The following RIN2 variants were observed in gnomAD, a reference collection of about 807,000 sequenced individuals.
RIN2 encodes the protein RAB5 interacting protein 2.
A neutral mutation model predicts 78.0 loss-of-function variants in RIN2; 36 were observed. The ratio of observed to expected loss-of-function variants is 0.46; its 90% CI spans 0.35 to 0.61. The LOEUF is 0.61. Ranked by LOEUF, RIN2 falls within the 20% of genes least tolerant of loss-of-function variation. RIN2 has a pLI of 0.00. For missense variants in RIN2, 1,087 were observed against 1,159.7 expected (o/e 0.94, Z 0.91); for synonymous variants, 466 against 466.8 (o/e 1.00, Z 0.02).
chr20:19,943,095 G>A (rs1413024410), intron 4 of RIN2, among the ~76,000 whole-genome samples: 3 of 152,194 alleles, frequency 2.0e-5, no homozygotes, highest in Admixed American at 6.5e-5. Flanking sequence ...GAAGGGCATC[G>A]GGACCAAGAC....
chr20:19,864,455 C>A (rs1420697031), intron 2 of RIN2, among the ~76,000 whole-genome samples: 2 of 152,202 alleles, frequency 1.3e-5, no homozygotes. Context: ...ACACAGCATC[C>A]TTTGAATCCT....
intron 1 of RIN2, among the ~76,000 whole-genome samples, chr20:19,786,309 G>C (rs536080978): frequency 6.6e-6 from 1 of 152,286 alleles, no homozygotes; most frequent in South Asian, 2.1e-4. Context: ...TCTTGCTGGA[G>C]TGCTGAGCTG....
intron 3 of RIN2, among the ~76,000 whole-genome samples, chr20:19,903,096 A>C (rs1418213165): frequency 1.3e-5 from 2 of 152,190 alleles, no homozygotes; most frequent in East Asian, 3.9e-4. Context: ...CTGTCTCAAA[A>C]AAATAAAATA....
chr20:19,920,779 C>A (rs1346161061), intron 3 of RIN2, among the ~76,000 whole-genome samples: 1 of 152,144 alleles, frequency 6.6e-6, no homozygotes, highest in African/African-American at 2.4e-5. Flanking sequence ...CAAGTTCAAG[C>A]GATTCTCCTG....
chr20:19,819,061 G>A (rs530639142), intron 2 of RIN2, among the ~76,000 whole-genome samples: 94 of 152,294 alleles, frequency 6.2e-4, no homozygotes, highest in African/African-American at 9.9e-4. Flanking sequence ...TATAGGGTCC[G>A]GAAGGACAGA....
chr20:19,798,034 G>C (rs963537841), intron 1 of RIN2, among the ~76,000 whole-genome samples: 1 of 151,078 alleles, frequency 6.6e-6, no homozygotes, highest in Non-Finnish European at 1.5e-5. Context: ...TGTATTTTCA[G>C]TAGAGATGGG....
At chr20:19,829,727 A>G (rs1014837245) in intron 2 of RIN2, among the ~76,000 whole-genome samples, 2 of 152,226 alleles carry the variant, frequency 1.3e-5, no homozygotes, top group African/African-American at 4.8e-5. Flanking sequence ...AGTGACTCCC[A>G]GAATGGCCCA....
chr20:19,790,594 A>C (rs979706352), intron 1 of RIN2, among the ~76,000 whole-genome samples: 1 of 152,168 alleles, frequency 6.6e-6, no homozygotes, highest in Non-Finnish European at 1.5e-5. Context: ...GAGGAGTTCA[A>C]GGCCAGCCTG....
chr20:19,954,774 T>C (rs1188496641), intron 4 of RIN2, among the ~76,000 whole-genome samples: 1 of 152,106 alleles, frequency 6.6e-6, no homozygotes, highest in African/African-American at 2.4e-5. Context: ...ACCCACAACA[T>C]TGGATAAATA....
At chr20:19,765,631 A>G (rs2033852715) in intron 1 of RIN2, among the ~76,000 whole-genome samples, 1 of 152,190 alleles carries the variant, frequency 6.6e-6, no homozygotes, top group Non-Finnish European at 1.5e-5. Context: ...GTTGAGTTTG[A>G]ACTGGAAGAC....
At chr20:19,912,299 C>G (rs1167097917) in intron 3 of RIN2, among the ~76,000 whole-genome samples, 1 of 151,996 alleles carries the variant, frequency 6.6e-6, no homozygotes, top group Non-Finnish European at 1.5e-5. Context: ...CAACTGTGCT[C>G]TCACCACCCC....
chr20:19,966,750 AG>A (rs1363895363), intron 7 of RIN2, among the ~76,000 whole-genome samples: 2 of 152,160 alleles, frequency 1.3e-5, no homozygotes, highest in African/African-American at 2.4e-5. Context: ...GAAGAAAATG[AG>A]GGCTTCACTG....
chr20:19,928,380 G>A (rs902627311), intron 3 of RIN2, among the ~76,000 whole-genome samples: 1 of 152,146 alleles, frequency 6.6e-6, no homozygotes, highest in East Asian at 1.9e-4. Flanking sequence ...GCCAAAAGCT[G>A]GTATGCCTAC....
rs566951760 is a variant in RIN2 at position 19,977,496 on chromosome 20, G to A, written c.1762+1709G>A. Among the ~76,000 whole-genome samples, 17 of 152,316 alleles carry A rather than the reference G, an allele frequency of 1.1e-4. No homozygotes were observed. In the South Asian group the frequency reaches 3.5e-3, roughly 32 times the overall value. The stretch of plus-strand genomic sequence containing the variant: ...TGGAGCTTCGAGTATAAGCCCGGCA[G>A]CCTGTCCAAGCTATTCCAGTGGGTC... On this transcript the variant is annotated intron_variant, in intron 9 of 12. Transcript: ENST00000255006.
At chr20:19,883,161 C>T (rs925119421) in intron 2 of RIN2, among the ~76,000 whole-genome samples, 42 of 152,138 alleles carry the variant, frequency 2.8e-4, no homozygotes, top group Middle Eastern at 3.2e-3. Flanking sequence ...AGTCCATCAG[C>T]CCTGAGGCCT....
intron 9 of RIN2, among the ~76,000 whole-genome samples, chr20:19,981,494 G>A (rs556401847): frequency 2.6e-5 from 4 of 152,282 alleles, no homozygotes; most frequent in East Asian, 3.9e-4. Flanking sequence ...TCCCAGAAGC[G>A]GGAGGATCTA....
intron 3 of RIN2, among the ~76,000 whole-genome samples, chr20:19,926,181 A>G (rs1197868887): frequency 5.9e-5 from 9 of 152,242 alleles, no homozygotes; most frequent in Non-Finnish European, 1.3e-4. Context: ...ACATCTGAGT[A>G]GGTGAAGGAG....
At chr20:19,929,233 G>A (rs528591954) in intron 3 of RIN2, among the ~76,000 whole-genome samples, 1 of 152,342 alleles carries the variant, frequency 6.6e-6, no homozygotes, top group African/African-American at 2.4e-5. Context: ...CCCCATGCTT[G>A]CAGGAATTCT....
chr20:19,789,268 A>G (rs2034810183), intron 1 of RIN2, among the ~76,000 whole-genome samples: 1 of 152,268 alleles, frequency 6.6e-6, no homozygotes, highest in African/African-American at 2.4e-5. Context: ...AAATGATTTT[A>G]TGATGGATCA....
Sources: allele counts gnomAD v4.1 joint callset (sites outside exome capture counted in the v4.1 genomes callset), GRCh38; gene constraint gnomAD v4.1.1; transcripts MANE v1.5; gene names NCBI Gene and HGNC (gene_info 2026-07-23, HGNC 2026-07-21).